ASTN2: variants seen among roughly 807,000 people sequenced by gnomAD.
ASTN2 encodes astrotactin-2.
ASTN2 carries 54 observed loss-of-function variants against 139.8 expected under a neutral mutation model. The ratio of observed to expected loss-of-function variants is 0.39; its 90% CI spans 0.31 to 0.48. The LOEUF is 0.48. ASTN2 is among the 20% of genes least tolerant of loss of function. The pLI is 0.95. For missense variants in ASTN2, 1,565 were observed against 1,725.1 expected, an observed-to-expected ratio of 0.91 and a Z score of 1.64; for synonymous variants, 756 against 719.5, an observed-to-expected ratio of 1.05 and a Z score of -0.81.
At chr9:117,141,170 T>C (rs1830065568) in intron 4 of ASTN2, among the ~76,000 whole-genome samples, 156 bp downstream of exon 4, 1 of 151,974 alleles carries the variant, frequency 6.6e-6, no homozygotes, top group Non-Finnish European at 1.5e-5. Flanking sequence ...GTAGGGAGCA[T>C]AGGTCTGCAG....
At chr9:116,474,482 C>T (rs1481319112) in intron 20 of ASTN2, among the ~76,000 whole-genome samples, 1 of 152,192 alleles carries the variant, frequency 6.6e-6, no homozygotes, top group Non-Finnish European at 1.5e-5. Context: ...GTCTGGATTC[C>T]GTCTCACCTC....
intron 7 of ASTN2, among the ~76,000 whole-genome samples, chr9:116,983,412 G>C (rs1206703939): frequency 6.6e-6 from 1 of 152,188 alleles, no homozygotes; most frequent in African/African-American, 2.4e-5. Context: ...TGCCCTCCTT[G>C]TAAAATAAGG....
At chr9:116,825,951 G>A (rs570598970) in intron 11 of ASTN2, among the ~76,000 whole-genome samples, 1 of 152,280 alleles carries the variant, frequency 6.6e-6, no homozygotes, top group South Asian at 2.1e-4. Flanking sequence ...GGAAGACTGG[G>A]TGCTCCCACA....
At chr9:116,837,052 G>A (rs1162880985) in intron 11 of ASTN2, among the ~76,000 whole-genome samples, 1 of 152,120 alleles carries the variant, frequency 6.6e-6, no homozygotes, top group Non-Finnish European at 1.5e-5. Flanking sequence ...GAAGGCATAG[G>A]AGGGTTGTTG....
intron 19 of ASTN2, among the ~76,000 whole-genome samples, chr9:116,531,805 A>G (rs546076011): frequency 2.6e-5 from 4 of 152,232 alleles, no homozygotes; most frequent in East Asian, 3.9e-4. Flanking sequence ...TTGCTATTGT[A>G]AATAGTGCCG....
chr9:117,182,767 A>T (rs895461057), intron 3 of ASTN2, among the ~76,000 whole-genome samples: 1 of 151,800 alleles, frequency 6.6e-6, no homozygotes, highest in Non-Finnish European at 1.5e-5. Flanking sequence ...TTCAGCTTGC[A>T]GTGTCTCGGT....
intron 17 of ASTN2, among the ~76,000 whole-genome samples, chr9:116,626,329 C>G (rs978767131): frequency 1.3e-5 from 2 of 151,686 alleles, no homozygotes; most frequent in African/African-American, 4.8e-5. Flanking sequence ...TGATTCATCT[C>G]TGTGTCCCTA....
intron 7 of ASTN2, among the ~76,000 whole-genome samples, chr9:116,993,220 C>A (rs1322442134): frequency 6.6e-6 from 1 of 152,164 alleles, no homozygotes; most frequent in African/African-American, 2.4e-5. Context: ...TCCTAATATC[C>A]TTCTAGTACC....
chr9:117,248,215 G>A (rs1833438739), intron 2 of ASTN2, among the ~76,000 whole-genome samples: 1 of 152,206 alleles, frequency 6.6e-6, no homozygotes, highest in Non-Finnish European at 1.5e-5. Flanking sequence ...TGTTATGGTG[G>A]AAGGAAGCTT....
At chr9:116,804,780 G>T (rs561588890) in intron 13 of ASTN2, among the ~76,000 whole-genome samples, 2 of 152,148 alleles carry the variant, frequency 1.3e-5, no homozygotes, top group African/African-American at 4.8e-5. Context: ...GGAGAGCCTT[G>T]CTTTGTGATA....
At chr9:117,309,036 C>A (rs1357201663) in intron 1 of ASTN2, among the ~76,000 whole-genome samples, 1 of 152,210 alleles carries the variant, frequency 6.6e-6, no homozygotes, top group Non-Finnish European at 1.5e-5. Context: ...TGCATGTTTT[C>A]CTGCATAATC....
intron 5 of ASTN2, among the ~76,000 whole-genome samples, chr9:117,078,470 G>A (rs985380672): frequency 6.6e-6 from 1 of 151,998 alleles, no homozygotes; most frequent in African/African-American, 2.4e-5. Context: ...TCTTACTTTG[G>A]TTAAAAAATA....
intron 13 of ASTN2, among the ~76,000 whole-genome samples, chr9:116,773,032 C>G (rs1829995022): frequency 6.6e-6 from 1 of 151,558 alleles, no homozygotes; most frequent in African/African-American, 2.4e-5. Context: ...TGAGCTGGCT[C>G]CTGCTTTTCC....
chr9:116,672,279 T>A (rs1859243883), intron 16 of ASTN2, among the ~76,000 whole-genome samples: 1 of 151,388 alleles, frequency 6.6e-6, no homozygotes, highest in Non-Finnish European at 1.5e-5. Flanking sequence ...GGTGGGAGGA[T>A]CACTTGAGCC....
chr9:116,951,436 A>G (rs1424719679), intron 10 of ASTN2, among the ~76,000 whole-genome samples: 1 of 149,798 alleles, frequency 6.7e-6, no homozygotes, highest in African/African-American at 2.4e-5. Flanking sequence ...AATCATGTGG[A>G]ACAGTTGGTT....
chr9:116,456,719 A>G (rs951710347), intron 20 of ASTN2, among the ~76,000 whole-genome samples: 4 of 152,320 alleles, frequency 2.6e-5, no homozygotes, highest in African/African-American at 7.2e-5. Context: ...AGAACAGCAC[A>G]CGAAAGAATT....
At chr9:116,702,821 T>G (rs1350895891) in intron 16 of ASTN2, among the ~76,000 whole-genome samples, 1 of 152,188 alleles carries the variant, frequency 6.6e-6, no homozygotes, top group Non-Finnish European at 1.5e-5. Flanking sequence ...TCATTCAATA[T>G]TTATTAACTA....
At chr9:116,720,229 A>G (rs1183955288) in intron 16 of ASTN2, among the ~76,000 whole-genome samples, 2 of 152,372 alleles carry the variant, frequency 1.3e-5, no homozygotes, top group Non-Finnish European at 1.5e-5. Context: ...ATTGTAATTC[A>G]AATGGAAGTG....
chr9:116,950,409 A>G (rs1564356623), intron 10 of ASTN2, among the ~76,000 whole-genome samples: 1 of 152,208 alleles, frequency 6.6e-6, no homozygotes, highest in Non-Finnish European at 1.5e-5. Context: ...GTAGTCAGTT[A>G]ATAAATTTGC....
Sources: allele counts gnomAD v4.1 joint callset (sites outside exome capture counted in the v4.1 genomes callset), GRCh38; gene constraint gnomAD v4.1.1; transcripts MANE v1.5; gene names NCBI Gene and HGNC (gene_info 2026-07-23, HGNC 2026-07-21).